EGFLAM: variants seen among roughly 807,000 people sequenced by gnomAD.
EGFLAM encodes pikachurin.
EGFLAM carries 79 observed loss-of-function variants against 113.1 expected under a neutral mutation model. The observed-to-expected ratio is 0.70, with a 90% CI of 0.58 to 0.84. The LOEUF (loss-of-function observed/expected upper bound fraction) is 0.84. EGFLAM is among the 40% of genes least tolerant of loss of function. The probability of loss-of-function intolerance (pLI) is 0.00; values close to 1 mark genes in which losing one functional copy is unlikely to be tolerated. For synonymous variants in EGFLAM, 504 were observed against 487.6 expected (o/e 1.03, Z -0.44); for missense variants, 1,265 against 1,291.6 (o/e 0.98, Z 0.32).
chr5:38,265,953 C>T (rs1421128617), intron 1 of EGFLAM, among the ~76,000 whole-genome samples: 1 of 152,192 alleles, frequency 6.6e-6, no homozygotes, highest in African/African-American at 2.4e-5. Flanking sequence ...CCCAGGTACT[C>T]TGTGTTATGC....
At chr5:38,318,992 A>T (rs1299124253) in intron 1 of EGFLAM, among the ~76,000 whole-genome samples, 1 of 152,212 alleles carries the variant, frequency 6.6e-6, no homozygotes, top group African/African-American at 2.4e-5. Flanking sequence ...GAGATGTTAT[A>T]GTCCATAGTC....
chr5:38,460,665 T>C (rs942269435), intron 20 of EGFLAM, among the ~76,000 whole-genome samples: 3 of 152,074 alleles, frequency 2.0e-5, no homozygotes, highest in East Asian at 1.9e-4. Context: ...AGGAACTAGA[T>C]GAATGGGAGG....
intron 15 of EGFLAM, among the ~76,000 whole-genome samples, chr5:38,434,526 G>A (rs575206593): frequency 6.6e-5 from 10 of 152,100 alleles, no homozygotes; most frequent in South Asian, 2.1e-4. Flanking sequence ...TTATTTTATC[G>A]TAAATCAAAG....
rs185176025 is a variant in EGFLAM at position 38,280,402 on chromosome 5, C to T, written c.97+21551C>T. ...CTGACCTCACTAGCTGTATCACCTA[C>T]TCCTTTGCCCCCTGGCTTCTTTGGG... is the stretch of plus-strand genomic sequence containing the variant. On this transcript the variant is annotated intron_variant, in intron 1 of 21. Coordinates refer to ENST00000322350, the MANE Select transcript of EGFLAM (RefSeq NM_152403.4). 1.8e-4 allele frequency among the ~76,000 whole-genome samples: 27 copies of T among 152,360 alleles called. No individual in the cohort carries two copies. The East Asian group carries it at 5.2e-3, about 29-fold the overall frequency.
intron 1 of EGFLAM, among the ~76,000 whole-genome samples, chr5:38,330,852 G>A (rs572288348): frequency 1.3e-4 from 20 of 152,120 alleles, no homozygotes; most frequent in South Asian, 6.2e-4. Context: ...AGGCCTCTTC[G>A]CTTAGCAATA....
At chr5:38,350,736 A>T (rs1041548039) in intron 4 of EGFLAM, 118 bp downstream of exon 4, 2 of 946,758 alleles carry the variant, frequency 2.1e-6, no homozygotes, top group African/African-American at 3.3e-5. Flanking sequence ...CTGGGAATTC[A>T]GTAGAGAACA....
At chr5:38,341,785 G>A (rs921977791) in intron 3 of EGFLAM, among the ~76,000 whole-genome samples, 25 of 152,260 alleles carry the variant, frequency 1.6e-4, no homozygotes, top group African/African-American at 5.3e-4. Context: ...ACTTCAGCAC[G>A]ATACCTGGCA....
intron 12 of EGFLAM, among the ~76,000 whole-genome samples, chr5:38,421,346 A>G (rs1741815869): frequency 6.6e-6 from 1 of 152,284 alleles, no homozygotes. Flanking sequence ...TTCCATTCAG[A>G]TTCTCAAACC....
chr5:38,462,173 T>C (rs112698335), intron 20 of EGFLAM, among the ~76,000 whole-genome samples: 15,541 of 151,840 alleles, frequency 0.1, 2,581 homozygotes, highest in African/African-American at 0.35. Context: ...TCTCAAAAAA[T>C]AAAATAAAAT....
At chr5:38,445,410 C>T in intron 17 of EGFLAM, 1 of 1,239,754 alleles carries the variant, frequency 8.1e-7, no homozygotes, top group East Asian at 2.8e-5. Context: ...TAAACATCTT[C>T]TTGGTCCACC....
intron 1 of EGFLAM, among the ~76,000 whole-genome samples, chr5:38,293,623 T>C (rs1758389562): frequency 6.6e-6 from 1 of 152,226 alleles, no homozygotes; most frequent in Non-Finnish European, 1.5e-5. Flanking sequence ...TTCTTCAAGA[T>C]ACAAATGGTG....
rs1227417256 is a variant in EGFLAM, at chr5:38,350,624, G to C, written c.409+6G>C. The C allele has an allele frequency of 6.2e-7, 1 of 1,612,774 alleles. No individual in the cohort carries two copies. Among genetic ancestry groups the C allele is most frequent in the East Asian group, 2.2e-5 (1 of 44,852 alleles). On this transcript the variant is annotated splice_donor_region_variant and intron_variant, in intron 4 of 21. Coordinates refer to ENST00000322350, the MANE Select transcript of EGFLAM (RefSeq NM_152403.4). ...TGTCACCACTTTGTCCCAAGGTAAA[G>C]TAGGTTCAAATTCATTAATAGGTGG...
intron 3 of EGFLAM, among the ~76,000 whole-genome samples, chr5:38,346,145 C>T (rs1331942063): frequency 2.6e-5 from 4 of 152,124 alleles, no homozygotes; most frequent in Non-Finnish European, 5.9e-5. Context: ...CACTAATCTT[C>T]CATATCCAGT....
chr5:38,278,339 A>G (rs1757934213), intron 1 of EGFLAM, among the ~76,000 whole-genome samples: 2 of 152,234 alleles, frequency 1.3e-5, no homozygotes, highest in Non-Finnish European at 2.9e-5. Context: ...CTGGACATCC[A>G]CATGCAGAAG....
chr5:38,264,107 T>G (rs1325928761), intron 1 of EGFLAM, among the ~76,000 whole-genome samples: 1 of 152,210 alleles, frequency 6.6e-6, no homozygotes, highest in Non-Finnish European at 1.5e-5. Context: ...CTCCCAGGCT[T>G]AGAGCCTGGG....
chr5:38,287,860 TATC>T (rs2111779199), intron 1 of EGFLAM, among the ~76,000 whole-genome samples: 1 of 152,386 alleles, frequency 6.6e-6, no homozygotes, highest in East Asian at 1.9e-4. Context: ...AATGTTTACA[TATC>T]TGTGTATTCA....
intron 12 of EGFLAM, among the ~76,000 whole-genome samples, chr5:38,420,014 G>A (rs1741774868): frequency 6.6e-6 from 1 of 152,092 alleles, no homozygotes; most frequent in Non-Finnish European, 1.5e-5. Flanking sequence ...ACAACAGAGT[G>A]AGACTGTCTT....
At chr5:38,409,841 CTTT>C (rs1741419838) in intron 10 of EGFLAM, among the ~76,000 whole-genome samples, 1 of 152,142 alleles carries the variant, frequency 6.6e-6, no homozygotes, top group African/African-American at 2.4e-5. Flanking sequence ...TGGAAGCCAC[CTTT>C]AGCTTATGTG....
At chr5:38,370,638 C>T (rs975187336) in intron 6 of EGFLAM, among the ~76,000 whole-genome samples, 176 bp downstream of exon 6, 1 of 152,206 alleles carries the variant, frequency 6.6e-6, no homozygotes, top group Non-Finnish European at 1.5e-5. Flanking sequence ...AACAGGGACA[C>T]GGGCTGTTTC....
Sources: gnomAD v4.1 joint callset for allele counts (sites outside exome capture counted in the v4.1 genomes callset) on GRCh38, gnomAD v4.1.1 for gene constraint, MANE v1.5 for transcripts, NCBI Gene and HGNC (gene_info 2026-07-23, HGNC 2026-07-21) for gene names.